NPLOC4: variants seen among roughly 807,000 people sequenced by gnomAD.
NPLOC4 encodes the protein NPL4 homolog, ubiquitin recognition factor, also known as nuclear protein localization protein 4 homolog.
A neutral mutation model predicts 80.6 loss-of-function variants in NPLOC4; 18 were observed. That is an observed-to-expected ratio of 0.22 (90% CI 0.15 to 0.33). NPLOC4 has a LOEUF of 0.33. NPLOC4 is among the 10% of genes least tolerant of loss of function. The pLI is 1.00. For missense variants in NPLOC4, 540 were observed against 786.1 expected (o/e 0.69, Z 3.74); for synonymous variants, 313 against 301.5 (o/e 1.04, Z -0.39).
rs1401463728 is a variant in NPLOC4 at position 81,572,542 on chromosome 17, G to A, written c.1282-454C>T. On this transcript the variant is annotated intron_variant, in intron 12 of 16. Coordinates refer to ENST00000331134, the MANE Select transcript of NPLOC4 (RefSeq NM_017921.4). This position sits in a 1 kb window ranked among gnomAD's most constrained non-coding sequence, Gnocchi z 4.5. ...TATTGAAGTGTATGGATAGCAGAAA[G>A]GAAAACGTGCATATTTTTGCAGTAA... is the stretch of plus-strand genomic sequence containing the variant. Among the ~76,000 whole-genome samples the A allele has an allele frequency of 6.6e-6, 1 of 152,210 alleles. No individual in the cohort carries two copies. Among genetic ancestry groups the A allele is most frequent in the African/African-American group, 2.4e-5 (1 of 41,446 alleles).
At chr17:81,626,075 G>C (rs2035787053) in intron 2 of NPLOC4, among the ~76,000 whole-genome samples, 1 of 151,724 alleles carries the variant, frequency 6.6e-6, no homozygotes, top group African/African-American at 2.4e-5. Context: ...CTTGAACCTG[G>C]GAGGTGGAGG....
chr17:81,634,425 G>C (rs1043047162), intron 1 of NPLOC4, among the ~76,000 whole-genome samples: 3 of 149,322 alleles, frequency 2.0e-5, no homozygotes, highest in African/African-American at 2.5e-5. Flanking sequence ...GTCAATGAGA[G>C]CCTAGCCTTA....
At chr17:81,593,633 C>T (rs2034809066) in intron 11 of NPLOC4, among the ~76,000 whole-genome samples, 1 of 152,000 alleles carries the variant, frequency 6.6e-6, no homozygotes, top group Non-Finnish European at 1.5e-5. Context: ...AAACTACCAG[C>T]CTACACTACT....
At chr17:81,559,732 T>TC (rs1209796555) in intron 16 of NPLOC4, among the ~76,000 whole-genome samples, 1 of 147,120 alleles carries the variant, frequency 6.8e-6, no homozygotes, top group African/African-American at 2.5e-5. Context: ...TCCAGCTTTT[T>TC]TTTTTTTTTT....
intron 3 of NPLOC4, among the ~76,000 whole-genome samples, chr17:81,616,478 C>A (rs1020465192): frequency 6.6e-6 from 1 of 151,954 alleles, no homozygotes; most frequent in Non-Finnish European, 1.5e-5. Context: ...CACCTGTAAT[C>A]CCAGCACGTT....
At chr17:81,603,721 T>G (rs1191749247) in intron 8 of NPLOC4, among the ~76,000 whole-genome samples, 1 of 152,210 alleles carries the variant, frequency 6.6e-6, no homozygotes, top group African/African-American at 2.4e-5. Flanking sequence ...TCTGTCCCTC[T>G]AGTCACCCAT....
rs1555680405 is a variant in NPLOC4, at chr17:81,581,375, A to AAAAAAATC, written c.1281+7568_1281+7569insGATTTTTT. Among the ~76,000 whole-genome samples, 4 of 72,808 alleles carry AAAAAAATC rather than the reference A, an allele frequency of 5.5e-5. 1 individual carries two copies. Among genetic ancestry groups the AAAAAAATC allele is most frequent in the African/African-American group, 1.9e-4 (4 of 21,074 alleles). The allele number at this position is 72,808 out of a possible 152,430, so 47.8% of individuals were successfully genotyped here. A position where few individuals can be genotyped will look rare whatever the true frequency, so the allele number is the denominator to read the frequency against. On this transcript the variant is annotated intron_variant, in intron 12 of 16. Coordinates refer to ENST00000331134, the MANE Select transcript of NPLOC4 (RefSeq NM_017921.4). Reference sequence around the variant, plus strand: ...AAAAAAAAAAAAAAAAAAAAAAAAAAAGTTAATAAAATCACCATGTCACAA... The same window carrying AAAAAAATC: ...AAAAAAAAAAAAAAAAAAAAAAAAAAAAAAAATCAGTTAATAAAATCACCATGTCACAA...
chr17:81,617,329 G>A (rs528546797), intron 3 of NPLOC4, among the ~76,000 whole-genome samples: 1 of 152,324 alleles, frequency 6.6e-6, no homozygotes, highest in East Asian at 1.9e-4. Context: ...CTGCAGTGCA[G>A]TGGCACAATC....
At chr17:81,628,554 C>T (rs938780682) in intron 2 of NPLOC4, among the ~76,000 whole-genome samples, 7 of 151,896 alleles carry the variant, frequency 4.6e-5, no homozygotes, top group Non-Finnish European at 5.9e-5. Context: ...CAGGGCAAAA[C>T]GAAAACATTT....
intron 1 of NPLOC4, among the ~76,000 whole-genome samples, chr17:81,636,637 C>T (rs2036083570): frequency 6.6e-6 from 1 of 152,134 alleles, no homozygotes; most frequent in Non-Finnish European, 1.5e-5. Context: ...GGTTTCTCTT[C>T]GCCACAGTCC....
intron 9 of NPLOC4, among the ~76,000 whole-genome samples, chr17:81,598,061 C>T (rs1229077322): frequency 1.4e-5 from 2 of 145,976 alleles, no homozygotes; most frequent in African/African-American, 5.1e-5. Flanking sequence ...CGTCACTGCA[C>T]TCCAGCCTGG....
At position 81,581,375 on chromosome 17, in the gene NPLOC4, A is replaced by AAATC. The variant is rs1555680405; in HGVS notation, c.1281+7568_1281+7569insGATT. Among the ~76,000 whole-genome samples the AAATC allele has an allele frequency of 2.7e-5, 2 of 72,810 alleles. 1 individual carries two copies. Among genetic ancestry groups the AAATC allele is most frequent in the Non-Finnish European group, 5.7e-5 (2 of 34,996 alleles). The allele number at this position is 72,810 out of a possible 152,430, so 47.8% of individuals were successfully genotyped here. ...AAAAAAAAAAAAAAAAAAAAAAAAAAAGTTAATAAAATCACCATGTCACAA... is the reference window on the plus strand; with the variant it reads ...AAAAAAAAAAAAAAAAAAAAAAAAAAAATCAGTTAATAAAATCACCATGTCACAA... On this transcript the variant is annotated intron_variant, in intron 12 of 16. Coordinates refer to ENST00000331134, the MANE Select transcript of NPLOC4 (RefSeq NM_017921.4).
At chr17:81,589,961 C>T (rs986894271) in intron 11 of NPLOC4, among the ~76,000 whole-genome samples, 8 of 151,870 alleles carry the variant, frequency 5.3e-5, no homozygotes, top group Non-Finnish European at 1.0e-4. Context: ...GGGGTGTAAA[C>T]GGCAGATAGA....
intron 12 of NPLOC4, among the ~76,000 whole-genome samples, chr17:81,588,428 A>C (rs2034647323): frequency 6.6e-6 from 1 of 152,158 alleles, no homozygotes; most frequent in African/African-American, 2.4e-5. Flanking sequence ...TGGCACAATC[A>C]TGGCTAACTG....
At chr17:81,635,263 C>T (rs961076692) in intron 1 of NPLOC4, among the ~76,000 whole-genome samples, 1 of 150,642 alleles carries the variant, frequency 6.6e-6, no homozygotes, top group East Asian at 2.0e-4. Flanking sequence ...TTCTTGAACC[C>T]GAGAGGCGGA....
At chr17:81,603,025 C>G (rs2035109744) in intron 8 of NPLOC4, among the ~76,000 whole-genome samples, 1 of 138,370 alleles carries the variant, frequency 7.2e-6, no homozygotes, top group Non-Finnish European at 1.6e-5. Context: ...ATATAAAAGT[C>G]AGACATGGTG....
At chr17:81,563,957 T>C in intron 16 of NPLOC4, 1 of 454,350 alleles carries the variant, frequency 2.2e-6, no homozygotes, top group Non-Finnish European at 4.4e-6. Flanking sequence ...GGTACACATC[T>C]GTAATCCCAG....
intron 2 of NPLOC4, among the ~76,000 whole-genome samples, chr17:81,623,369 G>A (rs1382930867): frequency 1.3e-5 from 2 of 151,026 alleles, no homozygotes; most frequent in African/African-American, 4.9e-5. Flanking sequence ...CCGGGAGGCT[G>A]AGGCAGAACT....
intron 11 of NPLOC4, among the ~76,000 whole-genome samples, chr17:81,593,304 T>G (rs1255233129): frequency 6.6e-6 from 1 of 152,096 alleles, no homozygotes; most frequent in Non-Finnish European, 1.5e-5. Flanking sequence ...GAAGCCATGT[T>G]GCTGACGGCA....
Sources: allele counts gnomAD v4.1 joint callset (sites outside exome capture counted in the v4.1 genomes callset), GRCh38; gene constraint gnomAD v4.1.1; non-coding constraint Gnocchi (gnomAD v3.1); transcripts MANE v1.5; gene names NCBI Gene and HGNC (gene_info 2026-07-23, HGNC 2026-07-21).